LPGAT1: variants seen among roughly 807,000 people sequenced by gnomAD.
LPGAT1 encodes acyl-CoA:lysophosphatidylglycerol acyltransferase 1.
Under a neutral mutation model 47.5 loss-of-function variants are expected in LPGAT1, and 11 were observed. The observed-to-expected ratio is 0.23, with a 90% CI of 0.15 to 0.38. The LOEUF is 0.38. LPGAT1 is among the 10% of genes least tolerant of loss of function. The pLI is 1.00. For synonymous variants in LPGAT1, 138 were observed against 144.2 expected (o/e 0.96, Z 0.31); for missense variants, 293 against 439.0 (o/e 0.67, Z 2.97).
chr1:211,806,361 T>C (rs1424046783), intron 2 of LPGAT1, among the ~76,000 whole-genome samples: 2 of 150,096 alleles, frequency 1.3e-5, no homozygotes, highest in Non-Finnish European at 1.5e-5. Context: ...TGAAATCATG[T>C]CCTCTGCAGC....
intron 6 of LPGAT1, among the ~76,000 whole-genome samples, chr1:211,758,235 A>C (rs1358083935): frequency 6.6e-6 from 1 of 152,256 alleles, no homozygotes; most frequent in Non-Finnish European, 1.5e-5. Flanking sequence ...CCATTTACAT[A>C]TAAGGGTTAG....
At position 211,793,270 on chromosome 1, in the gene LPGAT1, G is replaced by A. The variant is rs1053481853; in HGVS notation, c.239-80C>T. On this transcript the variant is annotated intron_variant, in intron 2 of 7. Coordinates refer to ENST00000366997, the MANE Select transcript of LPGAT1 (RefSeq NM_014873.3). ...CAAACCTTATATTAGAAAAAATGATGTATATTAATGATGATATGTCACCTA... is the reference window on the plus strand; with the variant it reads ...CAAACCTTATATTAGAAAAAATGATATATATTAATGATGATATGTCACCTA... 4.7e-6 allele frequency: 4 copies of A among 855,066 alleles called. No individual in the cohort carries two copies. In the African/African-American group the frequency reaches 5.2e-5, roughly 11 times the overall value. 53.0% of individuals were successfully genotyped at this position (855,066 alleles called of 1,614,324 possible).
intron 6 of LPGAT1, among the ~76,000 whole-genome samples, chr1:211,772,455 G>C (rs1658210574): frequency 6.6e-6 from 1 of 152,040 alleles, no homozygotes; most frequent in African/African-American, 2.4e-5. Flanking sequence ...CCAGTGTCTT[G>C]AAAAACCATC....
At chr1:211,756,203 T>A (rs922376941) in intron 6 of LPGAT1, among the ~76,000 whole-genome samples, 4 of 152,080 alleles carry the variant, frequency 2.6e-5, no homozygotes, top group Non-Finnish European at 5.9e-5. Context: ...ACCACTGCAC[T>A]CCAGCCTGGG....
At chr1:211,793,047 A>G (rs746051200) in intron 3 of LPGAT1, 25 bp downstream of exon 3, 2 of 1,483,548 alleles carry the variant, frequency 1.3e-6, no homozygotes, top group Admixed American at 3.8e-5. Context: ...CTGGATGTCT[A>G]TCTACTGCCT....
chr1:211,785,951 A>T (rs905921280), intron 4 of LPGAT1, among the ~76,000 whole-genome samples: 10 of 151,954 alleles, frequency 6.6e-5, no homozygotes, highest in African/African-American at 2.2e-4. Flanking sequence ...CAACTGTTAC[A>T]CTACACTGTA....
intron 6 of LPGAT1, among the ~76,000 whole-genome samples, chr1:211,776,916 C>CA (rs1488658382): frequency 2.0e-5 from 3 of 152,046 alleles, no homozygotes; most frequent in Non-Finnish European, 4.4e-5. Flanking sequence ...TTGATACTAC[C>CA]CAGTTTTTCT....
chr1:211,755,332 C>T (rs192450040), intron 6 of LPGAT1, among the ~76,000 whole-genome samples: 1 of 149,586 alleles, frequency 6.7e-6, no homozygotes, highest in East Asian at 1.9e-4. Context: ...AGCAAGACTC[C>T]GTCTCAAAAA....
At chr1:211,783,966 G>A (rs1658741974) in intron 4 of LPGAT1, among the ~76,000 whole-genome samples, 1 of 152,210 alleles carries the variant, frequency 6.6e-6, no homozygotes, top group Non-Finnish European at 1.5e-5. Flanking sequence ...AGAGAAAGCT[G>A]CTATGAGGAG....
At chr1:211,801,277 A>G (rs1447210047) in intron 2 of LPGAT1, among the ~76,000 whole-genome samples, 1 of 152,206 alleles carries the variant, frequency 6.6e-6, no homozygotes, top group African/African-American at 2.4e-5. Context: ...AGTCTGCACA[A>G]CAAACCGTAC....
chr1:211,766,518 A>G (rs562107879), intron 6 of LPGAT1, among the ~76,000 whole-genome samples: 2 of 152,348 alleles, frequency 1.3e-5, no homozygotes, highest in South Asian at 4.1e-4. Flanking sequence ...CAGTTGGGCA[A>G]TCATCTAACA....
intron 2 of LPGAT1, among the ~76,000 whole-genome samples, chr1:211,809,936 G>A (rs1659907450): frequency 6.6e-6 from 1 of 152,136 alleles, no homozygotes; most frequent in Non-Finnish European, 1.5e-5. Context: ...CAAATTGCCA[G>A]GAATACGTGT....
Position 211,744,513 on chromosome 1 carries a change from C to T in LPGAT1, c.*5386G>A, listed in dbSNP as rs761228674. 2.6e-5 allele frequency: 4 copies of T among 152,086 alleles called. No individual in the cohort carries two copies. Among genetic ancestry groups the T allele is most frequent in the African/African-American group, 4.8e-5 (2 of 41,428 alleles). 9.4% of individuals were successfully genotyped at this position (152,086 alleles called of 1,614,324 possible). A position where few individuals can be genotyped will look rare whatever the true frequency, so the allele number is the denominator to read the frequency against. On this transcript the variant is annotated 3_prime_UTR_variant, in exon 8 of 8. Coordinates refer to ENST00000366997, the MANE Select transcript of LPGAT1 (RefSeq NM_014873.3). ...CATTTTTCAAATCACAGTTGAAAGA[C>T]AATCAATCATAGGTTGACTGTAGGA...
At chr1:211,786,379 AG>A (rs1658879446) in intron 4 of LPGAT1, among the ~76,000 whole-genome samples, 1 of 152,226 alleles carries the variant, frequency 6.6e-6, no homozygotes, top group Non-Finnish European at 1.5e-5. Flanking sequence ...TTATTCATTA[AG>A]TAATAATTAT....
chr1:211,799,633 G>A (rs2102566879), intron 2 of LPGAT1, among the ~76,000 whole-genome samples: 1 of 152,284 alleles, frequency 6.6e-6, no homozygotes, highest in Admixed American at 6.5e-5. Context: ...GACAAGCCAA[G>A]TCCCAAAGTC....
At chr1:211,771,146 T>C (rs1341455021) in intron 6 of LPGAT1, among the ~76,000 whole-genome samples, 1 of 152,008 alleles carries the variant, frequency 6.6e-6, no homozygotes, top group African/African-American at 2.4e-5. Flanking sequence ...ACTGTACCTT[T>C]TCTATGTTTA....
chr1:211,762,334 G>A (rs1657733318), intron 6 of LPGAT1, among the ~76,000 whole-genome samples: 1 of 152,186 alleles, frequency 6.6e-6, no homozygotes, highest in Admixed American at 6.5e-5. Context: ...TGCTTCAATG[G>A]GGTTGAACAC....
At chr1:211,765,084 T>C (rs996753962) in intron 6 of LPGAT1, among the ~76,000 whole-genome samples, 1 of 152,230 alleles carries the variant, frequency 6.6e-6, no homozygotes, top group African/African-American at 2.4e-5. Flanking sequence ...TGAGCAGAAG[T>C]GAACTCTCCG....
intron 6 of LPGAT1, among the ~76,000 whole-genome samples, chr1:211,762,536 G>A (rs1222803813): frequency 6.6e-6 from 1 of 152,298 alleles, no homozygotes; most frequent in East Asian, 1.9e-4. Flanking sequence ...TATGGCAAAG[G>A]ATTAAATACA....
Sources: allele counts gnomAD v4.1 joint callset (sites outside exome capture counted in the v4.1 genomes callset), GRCh38; gene constraint gnomAD v4.1.1; transcripts MANE v1.5; gene names NCBI Gene and HGNC (gene_info 2026-07-23, HGNC 2026-07-21).